Variants in ATP8A2 observed in about 807,000 individuals in gnomAD.
ATP8A2 encodes phospholipid-transporting ATPase IB.
ATP8A2 carries 100 observed loss-of-function variants against 165.6 expected under a neutral mutation model. That is an observed-to-expected ratio of 0.60 (90% CI 0.51 to 0.71). The LOEUF (loss-of-function observed/expected upper bound fraction) is 0.71. ATP8A2 is among the 30% of genes least tolerant of loss of function. The pLI is 0.00. For missense variants in ATP8A2, 1,227 were observed against 1,479.5 expected (o/e 0.83, Z 2.80); for synonymous variants, 543 against 548.8 (o/e 0.99, Z 0.15).
intron 35 of ATP8A2, among the ~76,000 whole-genome samples, chr13:25,978,045 T>C (rs757178640): frequency 2.0e-5 from 3 of 152,236 alleles, no homozygotes; most frequent in South Asian, 2.1e-4. Context: ...CCATTTTTAC[T>C]GATGAATTTA....
chr13:25,384,760 C>A (rs146225917), intron 1 of ATP8A2, among the ~76,000 whole-genome samples: 1 of 152,078 alleles, frequency 6.6e-6, no homozygotes, highest in East Asian at 1.9e-4. Context: ...AAATCTTTTT[C>A]TGATTGTTTT....
intron 27 of ATP8A2, 93 bp downstream of exon 27, chr13:25,775,052 A>T: frequency 4.2e-6 from 3 of 721,450 alleles, no homozygotes; most frequent in Non-Finnish European, 6.9e-6. Context: ...GATTTTGTTC[A>T]TGTAAAATTA....
At chr13:25,555,955 A>AT (rs901693078) in intron 13 of ATP8A2, among the ~76,000 whole-genome samples, 90 of 151,532 alleles carry the variant, frequency 5.9e-4, no homozygotes, top group African/African-American at 2.0e-3. Context: ...ACATGATTTC[A>AT]TTTTTTTTCT....
chr13:25,703,806 C>G (rs2043000200), intron 25 of ATP8A2, among the ~76,000 whole-genome samples: 1 of 152,120 alleles, frequency 6.6e-6, no homozygotes, highest in Admixed American at 6.5e-5. Context: ...CCAGTGACTG[C>G]TCAGTGGGCA....
chr13:25,406,195 G>A (rs1263676917), intron 1 of ATP8A2, among the ~76,000 whole-genome samples: 1 of 152,168 alleles, frequency 6.6e-6, no homozygotes, highest in Non-Finnish European at 1.5e-5. Flanking sequence ...ATTTAACAGG[G>A]ACTTACGAAC....
intron 33 of ATP8A2, among the ~76,000 whole-genome samples, chr13:25,909,611 A>G (rs769118): frequency 0.1 from 15,223 of 152,224 alleles, 1,289 homozygotes; most frequent in Admixed American, 0.24. Context: ...CTTAATGCAC[A>G]TTTAAATTAT....
At chr13:25,924,414 A>G (rs1192098928) in intron 33 of ATP8A2, among the ~76,000 whole-genome samples, 1 of 152,108 alleles carries the variant, frequency 6.6e-6, no homozygotes, top group Non-Finnish European at 1.5e-5. Flanking sequence ...AATCTTCTGC[A>G]TTCCTTGGCT....
chr13:25,921,656 A>AGTT (rs1479345063), intron 33 of ATP8A2, among the ~76,000 whole-genome samples: 1 of 151,802 alleles, frequency 6.6e-6, no homozygotes, highest in African/African-American at 2.4e-5. Context: ...ACTGAGTTGA[A>AGTT]GTTCATATTT....
intron 33 of ATP8A2, among the ~76,000 whole-genome samples, chr13:25,896,937 G>C: frequency 6.6e-6 from 1 of 152,150 alleles, no homozygotes; most frequent in Non-Finnish European, 1.5e-5. Flanking sequence ...CTCTGCACGT[G>C]AGATGGGTTT....
chr13:26,013,183 C>A (rs9512026), intron 36 of ATP8A2, among the ~76,000 whole-genome samples: 55,269 of 151,566 alleles, frequency 0.36, 10,492 homozygotes, highest in Middle Eastern at 0.43. Flanking sequence ...GCAATCCAGT[C>A]ATCAGATCCC....
At chr13:25,611,171 T>C (rs571984815) in intron 24 of ATP8A2, among the ~76,000 whole-genome samples, 4 of 152,246 alleles carry the variant, frequency 2.6e-5, no homozygotes, top group Non-Finnish European at 4.4e-5. Flanking sequence ...GGCTAGGACT[T>C]CCAGTACTAT....
rs1316129879 is a variant in ATP8A2 at position 26,023,373 on chromosome 13, C to T, written c.*3388C>T. The T allele has an allele frequency of 6.6e-6, 1 of 152,074 alleles. No individual in the cohort carries two copies. Among genetic ancestry groups the T allele is most frequent in the East Asian group, 1.9e-4 (1 of 5,182 alleles). 9.4% of individuals were successfully genotyped at this position (152,074 alleles called of 1,614,324 possible). A position where few individuals can be genotyped will look rare whatever the true frequency, so the allele number is the denominator to read the frequency against. On this transcript the variant is annotated 3_prime_UTR_variant, in exon 37 of 37. Coordinates refer to ENST00000381655, the MANE Select transcript of ATP8A2 (RefSeq NM_016529.6). ...GAACCTGGGCTTTGGGAGAGCTCAG[C>T]TGAGAATTCTGTTGACATTTTCTTT...
Position 25,578,889 on chromosome 13 carries a change from T to C in ATP8A2, c.1857T>C (p.Phe619=). The C allele has an allele frequency of 6.2e-7, 1 of 1,609,080 alleles. No homozygotes were observed. Among genetic ancestry groups the C allele is most frequent in the South Asian group, 1.1e-5 (1 of 90,958 alleles). The change falls in exon 21 of 37, where the codon TTT becomes TTC. Residue 619 remains phenylalanine, a synonymous_variant. Transcript: ENST00000381655. ...AAACATTATGCCATCTGGAATACTT[T>C]GCCACGGAAGGTAAGTGGAATTTGG... ...MEETLCHLEY[F]ATEGLRTLCV...
chr13:25,753,095 G>A (rs2044188058), intron 25 of ATP8A2, among the ~76,000 whole-genome samples: 1 of 152,164 alleles, frequency 6.6e-6, no homozygotes, highest in Non-Finnish European at 1.5e-5. Context: ...AAGCTCTTGT[G>A]CCAAGAGAAG....
chr13:25,742,525 C>A (rs544599792), intron 25 of ATP8A2, among the ~76,000 whole-genome samples: 83 of 152,060 alleles, frequency 5.5e-4, no homozygotes, highest in African/African-American at 2.0e-3. Context: ...TACTTCCTCC[C>A]CCTCATTATT....
At chr13:25,780,421 A>G (rs988802277) in intron 27 of ATP8A2, among the ~76,000 whole-genome samples, 4 of 152,206 alleles carry the variant, frequency 2.6e-5, no homozygotes, top group African/African-American at 4.8e-5. Context: ...GATAAAGGCC[A>G]GGAAATGAGA....
intron 33 of ATP8A2, among the ~76,000 whole-genome samples, chr13:25,866,199 A>C (rs1258121843): frequency 6.6e-6 from 1 of 152,182 alleles, no homozygotes; most frequent in Admixed American, 6.5e-5. Context: ...ACCTCTGTTC[A>C]AAAGTCCGGA....
chr13:25,889,245 C>CATACATATATATATATATAT (rs1555285524), intron 33 of ATP8A2, among the ~76,000 whole-genome samples: 3 of 109,932 alleles, frequency 2.7e-5, no homozygotes, highest in African/African-American at 1.3e-4. Context: ...CATCCTTTGT[C>CATACATATATATATATATAT]ATATATATAT....
At chr13:25,845,672 C>A (rs1048481213) in intron 30 of ATP8A2, among the ~76,000 whole-genome samples, 1 of 152,220 alleles carries the variant, frequency 6.6e-6, no homozygotes. Flanking sequence ...AAATAAAACT[C>A]AGTGTGACTC....
Sources: gnomAD v4.1 joint callset for allele counts (sites outside exome capture counted in the v4.1 genomes callset) on GRCh38, gnomAD v4.1.1 for gene constraint, MANE v1.5 for transcripts, NCBI Gene and HGNC (gene_info 2026-07-23, HGNC 2026-07-21) for gene names.